Variants in NPM1 observed in about 807,000 individuals in gnomAD.
NPM1 encodes nucleophosmin 1.
Under a neutral mutation model 44.1 loss-of-function variants are expected in NPM1, and 1 was observed. The observed-to-expected ratio is 0.02, with a 90% CI of 0.01 to 0.11. The LOEUF is 0.11. Ranked by LOEUF, NPM1 falls within the 10% of genes least tolerant of loss-of-function variation. NPM1 has a pLI of 1.00. For synonymous variants in NPM1, 126 were observed against 111.8 expected, an observed-to-expected ratio of 1.13 and a Z score of -0.80; for missense variants, 197 against 347.8, an observed-to-expected ratio of 0.57 and a Z score of 3.45.
rs547291595 is a variant in NPM1 at position 171,405,443 on chromosome 5, CA to C, written c.771+43del. ...CTTAAAAAAACTTTGTCTCCCCCCT[CA>C]AATTGCACGTGTCTGGTTTGCATAG... On this transcript the variant is annotated intron_variant, in intron 9 of 10. Transcript: ENST00000296930. 5.0e-4 allele frequency: 428 copies of C among 861,048 alleles called. No individual in the cohort carries two copies. In the African/African-American group the frequency reaches 6.4e-3, roughly 13 times the overall value. The allele number at this position is 861,048 out of a possible 1,614,324, so 53.3% of individuals were successfully genotyped here.
chr5:171,392,601 TTTA>T (rs1770634509), intron 4 of NPM1, 106 bp from the exon 5 acceptor site: 2 of 539,148 alleles, frequency 3.7e-6, no homozygotes, highest in East Asian at 3.4e-5. Flanking sequence ...TTTTTTTTTT[TTTA>T]AATAGAATAG....
intron 6 of NPM1, among the ~76,000 whole-genome samples, chr5:171,395,946 T>A (rs953590469): frequency 6.7e-6 from 1 of 150,102 alleles, no homozygotes; most frequent in Non-Finnish European, 1.5e-5. Flanking sequence ...TTTGGGGAAT[T>A]TCTTAAGTAA....
At chr5:171,388,283 G>C (rs993719132) in intron 1 of NPM1, among the ~76,000 whole-genome samples, 28 of 152,214 alleles carry the variant, frequency 1.8e-4, no homozygotes, top group Non-Finnish European at 1.0e-4. Context: ...GGAACCGGCC[G>C]CCTGGAAGTT....
chr5:171,391,451 T>G (rs369314872), intron 3 of NPM1, 27 bp downstream of exon 3: 2 of 1,603,890 alleles, frequency 1.2e-6, no homozygotes, highest in African/African-American at 2.7e-5. Context: ...ACTTTGGATG[T>G]TGTGTCAAGG....
chr5:171,406,211 C>T (rs954596240), intron 9 of NPM1, among the ~76,000 whole-genome samples: 1 of 152,100 alleles, frequency 6.6e-6, no homozygotes, highest in African/African-American at 2.4e-5. Flanking sequence ...ATTCCTTGTA[C>T]AGTGATAAGT....
chr5:171,391,865 T>G, intron 4 of NPM1, 66 bp downstream of exon 4: 1 of 977,776 alleles, frequency 1.0e-6, no homozygotes. Context: ...TGGTTCCCAG[T>G]TTGGACTTAA....
chr5:171,405,735 CAG>C (rs1370314450), intron 9 of NPM1: 1 of 278,582 alleles, frequency 3.6e-6, no homozygotes, highest in African/African-American at 2.3e-5. Flanking sequence ...AGAGAACCAA[CAG>C]AGGGCGTATG....
At chr5:171,399,980 T>TA (rs1771107149) in intron 6 of NPM1, among the ~76,000 whole-genome samples, 173 bp from the exon 7 acceptor site, 1 of 152,250 alleles carries the variant, frequency 6.6e-6, no homozygotes, top group Non-Finnish European at 1.5e-5. Flanking sequence ...TGTGTGTACA[T>TA]ATACATTTTC....
At chr5:171,393,082 A>G in intron 6 of NPM1, 104 bp downstream of exon 6, 1 of 1,421,370 alleles carries the variant, frequency 7.0e-7, no homozygotes, top group Non-Finnish European at 9.5e-7. Context: ...ATTTACAAAA[A>G]GCCATCCTAT....
At chr5:171,399,031 A>G (rs1771055817) in intron 6 of NPM1, among the ~76,000 whole-genome samples, 1 of 151,826 alleles carries the variant, frequency 6.6e-6, no homozygotes, top group East Asian at 2.0e-4. Context: ...TTGTATTTTT[A>G]GTAGAGACTG....
At chr5:171,395,445 A>C (rs931662309) in intron 6 of NPM1, among the ~76,000 whole-genome samples, 2 of 152,042 alleles carry the variant, frequency 1.3e-5, no homozygotes, top group African/African-American at 4.8e-5. Flanking sequence ...GATTACAGGC[A>C]CTTGCCACCA....
At chr5:171,391,820 A>G (rs746435229) in intron 4 of NPM1, 21 bp downstream of exon 4, 9 of 1,452,582 alleles carry the variant, frequency 6.2e-6, no homozygotes, top group South Asian at 5.7e-5. Context: ...TTTATATATT[A>G]TACTACTTAG....
Position 171,391,334 on chromosome 5 carries a change from G to A in NPM1, c.168G>A (p.Glu56=), listed in dbSNP as rs1422337215. 2 of 1,613,378 alleles carry A rather than the reference G, an allele frequency of 1.2e-6. No individual in the cohort carries two copies. Among genetic ancestry groups the A allele is most frequent in the African/African-American group, 1.3e-5 (1 of 74,882 alleles). Residue 56 remains glutamate, a synonymous_variant, in exon 3 of 11, where the codon GAG becomes GAA. Coordinates refer to ENST00000296930, the MANE Select transcript of NPM1 (RefSeq NM_002520.7). The part of the protein sequence containing the change: ...TVSLGAGAKD[E]LHIVEAEAMN... ...GTTTAGGGGCTGGTGCAAAGGATGA[G>A]TTGCACATTGTTGAAGCAGAGGCAA...
chr5:171,388,541 G>A (rs547228511), intron 1 of NPM1, among the ~76,000 whole-genome samples: 2 of 151,672 alleles, frequency 1.3e-5, no homozygotes, highest in African/African-American at 4.8e-5. Context: ...GGGGAGGCGC[G>A]GCGCGGCGTG....
intron 8 of NPM1, among the ~76,000 whole-genome samples, chr5:171,403,837 G>T (rs1771398240): frequency 2.9e-5 from 2 of 69,820 alleles, no homozygotes; most frequent in African/African-American, 1.1e-4. Context: ...TCACCTCCCA[G>T]ACGGGGCGGC....
intron 9 of NPM1, 102 bp downstream of exon 9, chr5:171,405,505 T>A (rs1771516779): frequency 1.5e-5 from 10 of 677,648 alleles, no homozygotes; most frequent in South Asian, 5.2e-5. Flanking sequence ...TTGTTTTGGT[T>A]TAATATACTT....
chr5:171,402,600 T>TA (rs1363914314), intron 8 of NPM1, among the ~76,000 whole-genome samples: 1 of 142,058 alleles, frequency 7.0e-6, no homozygotes, highest in African/African-American at 2.6e-5. Context: ...ATCAACCTAA[T>TA]ACCTGATATG....
At chr5:171,392,837 A>G (rs759249379) in intron 5 of NPM1, 21 bp downstream of exon 5, 83 of 1,613,094 alleles carry the variant, frequency 5.1e-5, no homozygotes, top group Non-Finnish European at 4.2e-6. Flanking sequence ...CAATTTTATT[A>G]TAGGTTTTGT....
At chr5:171,405,610 C>T (rs1275238469) in intron 9 of NPM1, 2 of 551,928 alleles carry the variant, frequency 3.6e-6, no homozygotes, top group East Asian at 3.2e-5. Context: ...TTAAATATGC[C>T]TTATTTTCCA....
Sources: allele counts gnomAD v4.1 joint callset (sites outside exome capture counted in the v4.1 genomes callset), GRCh38; gene constraint gnomAD v4.1.1; transcripts MANE v1.5; gene names NCBI Gene and HGNC (gene_info 2026-07-23, HGNC 2026-07-21).